KCNAB1: variants seen among roughly 807,000 people sequenced by gnomAD.
KCNAB1 encodes the protein potassium voltage-gated channel subfamily A regulatory beta subunit 1.
Under a neutral mutation model 64.6 loss-of-function variants are expected in KCNAB1, and 35 were observed. The observed-to-expected ratio is 0.54, with a 90% CI of 0.41 to 0.72. The LOEUF (loss-of-function observed/expected upper bound fraction) is 0.72. Among genes scored for constraint, KCNAB1 ranks in the 30% least tolerant of loss-of-function variants. KCNAB1 has a pLI of 0.00. For synonymous variants in KCNAB1, 177 were observed against 183.8 expected (o/e 0.96, Z 0.30); for missense variants, 401 against 512.9 (o/e 0.78, Z 2.11).
At chr3:156,518,572 G>C (rs571419876) in intron 11 of KCNAB1, among the ~76,000 whole-genome samples, 1 of 152,156 alleles carries the variant, frequency 6.6e-6, no homozygotes, top group East Asian at 1.9e-4. Context: ...CACCCTAAAA[G>C]AGAATAAGTA....
intron 1 of KCNAB1, chr3:156,291,186 G>A (rs978432880): frequency 4.2e-5 from 41 of 985,706 alleles, no homozygotes; most frequent in Non-Finnish European, 4.8e-5. Context: ...CTCCTTAAAG[G>A]GACCTGCCTG....
chr3:156,389,601 G>A (rs1414005024), intron 1 of KCNAB1, among the ~76,000 whole-genome samples: 1 of 152,184 alleles, frequency 6.6e-6, no homozygotes, highest in African/African-American at 2.4e-5. Context: ...TCAGACCTCC[G>A]CCCGGATCTA....
At chr3:156,432,608 T>C (rs375294711) in intron 2 of KCNAB1, among the ~76,000 whole-genome samples, 1 of 152,286 alleles carries the variant, frequency 6.6e-6, no homozygotes, top group African/African-American at 2.4e-5. Flanking sequence ...GGTCTAACCA[T>C]GAGGATTTCT....
intron 7 of KCNAB1, among the ~76,000 whole-genome samples, chr3:156,469,966 G>A (rs1172872572): frequency 6.6e-6 from 1 of 152,162 alleles, no homozygotes; most frequent in Non-Finnish European, 1.5e-5. Context: ...TTGGAGATTT[G>A]TATACAAATT....
chr3:156,358,028 A>C (rs367554031), intron 1 of KCNAB1, among the ~76,000 whole-genome samples: 65 of 152,178 alleles, frequency 4.3e-4, no homozygotes, highest in South Asian at 8.3e-4. Context: ...AAGTTAATTA[A>C]AATTAAATAA....
intron 1 of KCNAB1, among the ~76,000 whole-genome samples, chr3:156,200,767 T>C (rs1420401224): frequency 6.6e-6 from 1 of 152,218 alleles, no homozygotes; most frequent in East Asian, 1.9e-4. Flanking sequence ...TGGGACCCGC[T>C]GAATGAGACC....
chr3:156,343,677 A>T (rs1216282300), intron 1 of KCNAB1, among the ~76,000 whole-genome samples: 1 of 152,196 alleles, frequency 6.6e-6, no homozygotes, highest in African/African-American at 2.4e-5. Context: ...CATCAAAAGC[A>T]TCATGGTTTA....
chr3:156,168,773 A>G (rs977472629), intron 1 of KCNAB1, among the ~76,000 whole-genome samples: 3 of 152,218 alleles, frequency 2.0e-5, no homozygotes, highest in African/African-American at 7.2e-5. Flanking sequence ...AATTACCAAA[A>G]ACTTGATCTC....
intron 1 of KCNAB1, among the ~76,000 whole-genome samples, chr3:156,126,792 A>T (rs1713682021): frequency 6.6e-6 from 1 of 151,872 alleles, no homozygotes; most frequent in African/African-American, 2.4e-5. Flanking sequence ...GTGGGTAATG[A>T]TGGCAGTAAT....
intron 11 of KCNAB1, among the ~76,000 whole-genome samples, chr3:156,521,387 T>C (rs1717930728): frequency 6.6e-6 from 1 of 152,130 alleles, no homozygotes; most frequent in Non-Finnish European, 1.5e-5. Context: ...AGAGATTTAT[T>C]TTGACTCCAC....
intron 1 of KCNAB1, among the ~76,000 whole-genome samples, chr3:156,299,429 T>A (rs1721009637): frequency 6.6e-6 from 1 of 152,234 alleles, no homozygotes; most frequent in Admixed American, 6.5e-5. Flanking sequence ...ATAAATTAAC[T>A]TCCAGATGAT....
intron 1 of KCNAB1, among the ~76,000 whole-genome samples, chr3:156,292,974 A>C (rs978463806): frequency 1.3e-5 from 2 of 152,246 alleles, no homozygotes; most frequent in African/African-American, 4.8e-5. Flanking sequence ...TTACTGCTTG[A>C]AATTAAATGT....
intron 1 of KCNAB1, 22 bp downstream of exon 1, chr3:156,120,908 C>T (rs774255657): frequency 1.2e-5 from 19 of 1,610,424 alleles, no homozygotes; most frequent in Non-Finnish European, 1.5e-5. Flanking sequence ...CTGCTCTGCG[C>T]GGGCTTTGGG....
chr3:156,366,113 A>G (rs796620378), intron 1 of KCNAB1, among the ~76,000 whole-genome samples: 2 of 152,342 alleles, frequency 1.3e-5, no homozygotes, highest in African/African-American at 2.4e-5. Context: ...AAATATCACA[A>G]TATGTGCAAT....
chr3:156,225,864 C>T (rs1253955002), intron 1 of KCNAB1, among the ~76,000 whole-genome samples: 3 of 152,028 alleles, frequency 2.0e-5, no homozygotes, highest in Middle Eastern at 6.3e-3. Flanking sequence ...AGGAATATAC[C>T]TAACCAAGGA....
chr3:156,144,658 C>T (rs1400133156), intron 1 of KCNAB1, among the ~76,000 whole-genome samples: 2 of 152,184 alleles, frequency 1.3e-5, no homozygotes, highest in Non-Finnish European at 2.9e-5. Flanking sequence ...CACGTTTTCT[C>T]TCTTCTCCGT....
At chr3:156,261,247 T>A (rs1718413909) in intron 1 of KCNAB1, among the ~76,000 whole-genome samples, 1 of 152,074 alleles carries the variant, frequency 6.6e-6, no homozygotes, top group Non-Finnish European at 1.5e-5. Context: ...ATTTTTATTT[T>A]TAGGAAGTTC....
intron 1 of KCNAB1, among the ~76,000 whole-genome samples, chr3:156,377,402 G>A (rs1170780088): frequency 6.6e-6 from 1 of 152,138 alleles, no homozygotes; most frequent in Non-Finnish European, 1.5e-5. Flanking sequence ...GGGAAGACCA[G>A]GGTGCTGCTC....
chr3:156,454,193 C>A (rs1370381140), intron 3 of KCNAB1, among the ~76,000 whole-genome samples: 1 of 152,164 alleles, frequency 6.6e-6, no homozygotes, highest in African/African-American at 2.4e-5. Flanking sequence ...GAGTAGCATG[C>A]AGGACAGTTA....
Sources: gnomAD v4.1 joint callset for allele counts (sites outside exome capture counted in the v4.1 genomes callset) on GRCh38, gnomAD v4.1.1 for gene constraint, MANE v1.5 for transcripts, NCBI Gene and HGNC (gene_info 2026-07-23, HGNC 2026-07-21) for gene names.